Variants in C8orf89 observed in about 807,000 individuals in gnomAD.
C8orf89 encodes chromosome 8 open reading frame 89, also known as putative uncharacterized protein C8orf89.
In C8orf89, 14 loss-of-function variants were observed where a neutral mutation model predicts 15.8. The observed-to-expected ratio is 0.89, with a 90% confidence interval of 0.59 to 1.39. The LOEUF is 1.39. Among genes scored for constraint, C8orf89 ranks in the 40% most tolerant of loss-of-function variants. The pLI, the probability that C8orf89 is intolerant of heterozygous loss-of-function variation, is 0.00. For synonymous variants in C8orf89, 55 were observed against 62.2 expected (o/e 0.88, Z 0.54); for missense variants, 181 against 184.5 (o/e 0.98, Z 0.11).
intron 1 of C8orf89, among the ~76,000 whole-genome samples, chr8:73,257,680 C>G (rs994836499): frequency 3.9e-5 from 6 of 152,114 alleles, no homozygotes; most frequent in African/African-American, 1.4e-4. Flanking sequence ...CCTCACATAT[C>G]CATTGCACAG....
At chr8:73,284,655 A>G in the C8orf89 span, among the ~76,000 whole-genome samples, 5 of 152,146 alleles carry the variant, frequency 3.3e-5, no homozygotes, top group Non-Finnish European at 7.4e-5. Context: ...AAAGGCATAG[A>G]CCTCTCCTTT....
At chr8:73,272,836 A>G in the C8orf89 span, among the ~76,000 whole-genome samples, 5,029 of 152,248 alleles carry the variant, frequency 0.033, 121 homozygotes, top group East Asian at 0.11. Flanking sequence ...TATTGAGCCT[A>G]CCTTGGAGGA....
chr8:73,284,952 T>C, the C8orf89 span, among the ~76,000 whole-genome samples: 2 of 152,198 alleles, frequency 1.3e-5, no homozygotes. Context: ...AAAGGTTGTA[T>C]GGGAAAATGA....
At chr8:73,267,877 C>G in the C8orf89 span, among the ~76,000 whole-genome samples, 2 of 152,090 alleles carry the variant, frequency 1.3e-5, no homozygotes, top group Non-Finnish European at 2.9e-5. Flanking sequence ...GAAGGAAATT[C>G]TACCTCAACA....
At chr8:73,281,806 G>A in the C8orf89 span, among the ~76,000 whole-genome samples, 1 of 152,216 alleles carries the variant, frequency 6.6e-6, no homozygotes, top group Admixed American at 6.5e-5. Context: ...GGAAGTGGCT[G>A]CCTCCCTGTG....
intron 2 of C8orf89, among the ~76,000 whole-genome samples, chr8:73,250,812 AT>A (rs1480062026): frequency 2.6e-5 from 4 of 151,286 alleles, no homozygotes; most frequent in African/African-American, 4.8e-5. Context: ...TTGTAACAAT[AT>A]TTTTTTTTGA....
the C8orf89 span, among the ~76,000 whole-genome samples, chr8:73,285,419 C>T: frequency 6.6e-6 from 1 of 152,242 alleles, no homozygotes; most frequent in South Asian, 2.1e-4. Context: ...CAGCTCCCAT[C>T]ATAAAGTGCA....
At chr8:73,277,261 T>C in the C8orf89 span, 1 of 507,656 alleles carries the variant, frequency 2.0e-6, no homozygotes, top group East Asian at 3.0e-5. Flanking sequence ...AGAGTATAAA[T>C]GGGTTTCTCA....
the C8orf89 span, among the ~76,000 whole-genome samples, chr8:73,280,496 G>A: frequency 6.6e-6 from 1 of 152,114 alleles, no homozygotes; most frequent in Non-Finnish European, 1.5e-5. Context: ...TCAGCCTCCT[G>A]AGTAGCTGGG....
intron 3 of C8orf89, among the ~76,000 whole-genome samples, chr8:73,242,943 G>A (rs557480969): frequency 6.6e-6 from 1 of 152,202 alleles, no homozygotes; most frequent in Admixed American, 6.5e-5. Flanking sequence ...AGAAAATGTG[G>A]TACATATACA....
At chr8:73,274,202 G>A in the C8orf89 span, among the ~76,000 whole-genome samples, 3 of 151,996 alleles carry the variant, frequency 2.0e-5, no homozygotes, top group Non-Finnish European at 4.4e-5. Flanking sequence ...CGCCCAGGCT[G>A]GAGTGCAGTG....
the C8orf89 span, among the ~76,000 whole-genome samples, chr8:73,274,660 C>T: frequency 6.6e-6 from 1 of 152,162 alleles, no homozygotes; most frequent in East Asian, 1.9e-4. Flanking sequence ...CATCATGCTC[C>T]TTTTCCGGAA....
the C8orf89 span, among the ~76,000 whole-genome samples, chr8:73,275,714 AT>A: frequency 1.3e-5 from 2 of 152,026 alleles, no homozygotes; most frequent in South Asian, 2.1e-4. Flanking sequence ...AGTGCTTTAT[AT>A]TTGGTGAGTA....
intron 2 of C8orf89, among the ~76,000 whole-genome samples, chr8:73,251,566 T>C (rs958599806): frequency 1.3e-5 from 2 of 152,224 alleles, no homozygotes; most frequent in African/African-American, 2.4e-5. Flanking sequence ...GAATAAAATA[T>C]AGTCAATTAT....
the C8orf89 span, among the ~76,000 whole-genome samples, chr8:73,280,298 T>C: frequency 2.6e-5 from 4 of 152,226 alleles, no homozygotes; most frequent in Non-Finnish European, 4.4e-5. Flanking sequence ...GACCCTTCCA[T>C]GCCAGCTCAG....
the C8orf89 span, among the ~76,000 whole-genome samples, chr8:73,265,649 C>T: frequency 6.6e-6 from 1 of 152,182 alleles, no homozygotes; most frequent in African/African-American, 2.4e-5. Context: ...GGTGATCTCT[C>T]CCATGCCATT....
upstream of C8orf89, among the ~76,000 whole-genome samples, chr8:73,259,840 C>T (rs988946245): frequency 2.0e-5 from 3 of 152,164 alleles, no homozygotes; most frequent in Non-Finnish European, 4.4e-5. Context: ...AAATCAATCA[C>T]TTACCCTGCT....
At chr8:73,255,591 C>G (rs1209952889) in intron 2 of C8orf89, among the ~76,000 whole-genome samples, 1 of 150,786 alleles carries the variant, frequency 6.6e-6, no homozygotes, top group African/African-American at 2.4e-5. Flanking sequence ...CCATTTGACC[C>G]AGCCATCCCA....
At chr8:73,284,927 T>C in the C8orf89 span, among the ~76,000 whole-genome samples, 1 of 152,230 alleles carries the variant, frequency 6.6e-6, no homozygotes, top group Non-Finnish European at 1.5e-5. Context: ...GTTTTTATGA[T>C]GTCTATGAAC....
Sources: allele counts gnomAD v4.1 joint callset (sites outside exome capture counted in the v4.1 genomes callset), GRCh38; gene constraint gnomAD v4.1.1; transcripts MANE v1.5; gene names NCBI Gene and HGNC (gene_info 2026-07-23, HGNC 2026-07-21).